SP6: variants seen among roughly 807,000 people sequenced by gnomAD.
The protein encoded by SP6 is Sp6 transcription factor, also known as transcription factor Sp6.
A neutral mutation model predicts 23.4 loss-of-function variants in SP6; 10 were observed. That is an observed-to-expected ratio of 0.43 (90% CI 0.26 to 0.72). The LOEUF (loss-of-function observed/expected upper bound fraction) is 0.72, where lower values mean the gene tolerates loss of function less well. SP6 is among the 30% of genes least tolerant of loss of function. The probability of loss-of-function intolerance (pLI) is 0.23; values close to 1 mark genes in which losing one functional copy is unlikely to be tolerated. For synonymous variants in SP6, 238 were observed against 238.7 expected, an observed-to-expected ratio of 1.00 and a Z score of 0.03; for missense variants, 482 against 523.8, an observed-to-expected ratio of 0.92 and a Z score of 0.78.
chr17:47,868,324 A>C, the SP6 span, among the ~76,000 whole-genome samples: 3 of 152,212 alleles, frequency 2.0e-5, no homozygotes, highest in Non-Finnish European at 4.4e-5. Context: ...TCCTGTACAC[A>C]TGTGTTTACA....
the SP6 span, among the ~76,000 whole-genome samples, chr17:47,866,110 C>A: frequency 2.0e-5 from 3 of 152,122 alleles, no homozygotes; most frequent in Non-Finnish European, 2.9e-5. Flanking sequence ...GGTCTCATGG[C>A]TTTTCTGGGA....
chr17:47,865,301 G>A, the SP6 span: 4 of 152,250 alleles, frequency 2.6e-5, no homozygotes, highest in African/African-American at 9.7e-5. Flanking sequence ...GAGCCATCCT[G>A]AGGGGGAGTA....
chr17:47,873,245 T>C, the SP6 span, among the ~76,000 whole-genome samples: 1 of 152,194 alleles, frequency 6.6e-6, no homozygotes, highest in Non-Finnish European at 1.5e-5. Flanking sequence ...TCCTTCTCCC[T>C]TTCCACCCAC....
At chr17:47,856,005 A>G (rs529173600), upstream of SP6, 33 of 152,334 alleles carry the variant, frequency 2.2e-4, no homozygotes, top group African/African-American at 7.9e-4. Flanking sequence ...AAATGACAGC[A>G]TTGCTAGGGT....
At chr17:47,857,554 C>T (rs1156427048), upstream of SP6, among the ~76,000 whole-genome samples, 1 of 152,106 alleles carries the variant, frequency 6.6e-6, no homozygotes, top group Non-Finnish European at 1.5e-5. Context: ...GACCTTCAGG[C>T]CCACACACCT....
chr17:47,870,547 G>A, the SP6 span, among the ~76,000 whole-genome samples: 1 of 152,178 alleles, frequency 6.6e-6, no homozygotes, highest in African/African-American at 2.4e-5. Flanking sequence ...GTCCTTGGAG[G>A]GGGTGAACAA....
chr17:47,856,566 T>C (rs944341482), upstream of SP6, among the ~76,000 whole-genome samples: 1 of 152,142 alleles, frequency 6.6e-6, no homozygotes, highest in Non-Finnish European at 1.5e-5. Flanking sequence ...TATATGAGCC[T>C]AATTTTAGGG....
chr17:47,872,555 C>T, the SP6 span, among the ~76,000 whole-genome samples: 1 of 152,228 alleles, frequency 6.6e-6, no homozygotes, highest in South Asian at 2.1e-4. Context: ...AGGCTCTCGC[C>T]ACAGCACGTC....
At chr17:47,855,802 A>T (rs1295422544), upstream of SP6, 2 of 152,342 alleles carry the variant, frequency 1.3e-5, no homozygotes, top group Non-Finnish European at 2.9e-5. Flanking sequence ...CGGCCTCAGA[A>T]GCTTTTAGGA....
chr17:47,848,434 G>A lies in SP6; in HGVS notation c.-5C>T, dbSNP rs1016837312. Reference sequence around the variant, plus strand: ...GCCGCAGACAGCGGTTAGCATTGCCGGGATCCGGGGTGGGGTGAGGGCAGG... The same window carrying A: ...GCCGCAGACAGCGGTTAGCATTGCCAGGATCCGGGGTGGGGTGAGGGCAGG... On this transcript the variant is annotated 5_prime_UTR_variant, in exon 2 of 2. Coordinates refer to ENST00000536300, the MANE Select transcript of SP6 (RefSeq NM_001258248.2). The surrounding 1 kb of genome is among the most constrained non-coding windows in gnomAD (Gnocchi z 5.3). 9 of 1,497,502 alleles carry A rather than the reference G, an allele frequency of 6.0e-6. No individual in the cohort carries two copies. The Admixed American group carries it at 6.7e-5, about 11-fold the overall frequency. 92.8% of individuals were successfully genotyped at this position (1,497,502 alleles called of 1,614,324 possible).
At chr17:47,874,332 C>T in the SP6 span, among the ~76,000 whole-genome samples, 1 of 152,068 alleles carries the variant, frequency 6.6e-6, no homozygotes, top group Non-Finnish European at 1.5e-5. Context: ...CTCAAGTGAT[C>T]CTCCTGCCTT....
chr17:47,847,912 A>C lies in SP6; in HGVS notation c.518T>G (p.Leu173Arg). 1 of 1,565,792 alleles carries C rather than the reference A, an allele frequency of 6.4e-7. No individual in the cohort carries two copies. Residue 173 changes from leucine (L) to arginine (R), a missense_variant, in exon 2 of 2, where the codon CTC (leucine) becomes CGC (arginine). Transcript: ENST00000536300. ...APPPHPHAHH[L>R]LPAAGGQHLL... Reference sequence around the variant, plus strand: ...ATGCTGCCCTCCGGCAGCTGGAAGGAGGTGGTGCGCATGCGGGTGGGGTGG... The same window carrying C: ...ATGCTGCCCTCCGGCAGCTGGAAGGCGGTGGTGCGCATGCGGGTGGGGTGG...
chr17:47,854,138 C>T (rs997431717), upstream of SP6, among the ~76,000 whole-genome samples: 31 of 152,174 alleles, frequency 2.0e-4, no homozygotes, highest in Non-Finnish European at 3.8e-4. Context: ...TCAGATTTCC[C>T]CTGCAAGTGT....
upstream of SP6, among the ~76,000 whole-genome samples, chr17:47,860,184 C>T (rs1257522948): frequency 6.6e-6 from 1 of 152,154 alleles, no homozygotes; most frequent in East Asian, 1.9e-4. Flanking sequence ...CATATTTTCA[C>T]GCCCCACACT....
At chr17:47,869,542 T>C in the SP6 span, among the ~76,000 whole-genome samples, 1 of 152,194 alleles carries the variant, frequency 6.6e-6, no homozygotes, top group Non-Finnish European at 1.5e-5. Context: ...GTCCCTCCTA[T>C]TGCAGTTGGG....
the SP6 span, among the ~76,000 whole-genome samples, chr17:47,872,915 T>C: frequency 6.6e-6 from 1 of 152,182 alleles, no homozygotes; most frequent in African/African-American, 2.4e-5. Flanking sequence ...GAGAATGTCC[T>C]GGGACCGGGG....
the SP6 span, among the ~76,000 whole-genome samples, chr17:47,866,480 T>C: frequency 6.6e-6 from 1 of 152,176 alleles, no homozygotes; most frequent in African/African-American, 2.4e-5. Flanking sequence ...TTCAAATCCC[T>C]GCCAGAGATG....
the SP6 span, among the ~76,000 whole-genome samples, chr17:47,862,569 T>C: frequency 6.6e-6 from 1 of 150,830 alleles, no homozygotes; most frequent in African/African-American, 2.4e-5. Context: ...TCAAAGGCTG[T>C]GAAAGGAGTT....
At chr17:47,872,507 G>A in the SP6 span, among the ~76,000 whole-genome samples, 1 of 152,170 alleles carries the variant, frequency 6.6e-6, no homozygotes, top group East Asian at 1.9e-4. Flanking sequence ...CAGTGGCGGC[G>A]GCGGCGGCGG....
Sources: gnomAD v4.1 joint callset for allele counts (sites outside exome capture counted in the v4.1 genomes callset) on GRCh38, gnomAD v4.1.1 for gene constraint, Gnocchi (gnomAD v3.1) non-coding constraint, MANE v1.5 for transcripts, NCBI Gene and HGNC (gene_info 2026-07-23, HGNC 2026-07-21) for gene names.